The following PCDH15 variants were observed in gnomAD, a reference collection of about 807,000 sequenced individuals.
PCDH15 encodes the protein protocadherin related 15, also known as protocadherin-15.
In PCDH15, 129 loss-of-function variants were observed where a neutral mutation model predicts 178.5. The ratio of observed to expected loss-of-function variants is 0.72; its 90% CI spans 0.63 to 0.84. The LOEUF is 0.84. Ranked by LOEUF, PCDH15 falls within the 40% of genes least tolerant of loss-of-function variation. The probability of loss-of-function intolerance (pLI) is 0.00; values close to 1 mark genes in which losing one functional copy is unlikely to be tolerated. For missense variants in PCDH15, 2,230 were observed against 2,099.9 expected (o/e 1.06, Z -1.21); for synonymous variants, 800 against 732.0 (o/e 1.09, Z -1.50).
At chr10:55,211,485 G>T (rs1373901059) in intron 1 of PCDH15, among the ~76,000 whole-genome samples, 1 of 152,092 alleles carries the variant, frequency 6.6e-6, no homozygotes, top group Admixed American at 6.6e-5. Context: ...TAGGGAAAAA[G>T]AAATTCACAT....
At chr10:54,889,502 T>G (rs759605288) in intron 3 of PCDH15, among the ~76,000 whole-genome samples, 11 of 143,006 alleles carry the variant, frequency 7.7e-5, no homozygotes, top group Non-Finnish European at 1.1e-4. Flanking sequence ...ATTGTGAAGA[T>G]ATATATATAT....
intron 3 of PCDH15, among the ~76,000 whole-genome samples, chr10:54,894,419 T>C (rs1011096567): frequency 6.6e-6 from 1 of 152,090 alleles, no homozygotes; most frequent in Non-Finnish European, 1.5e-5. Flanking sequence ...CAGAAATTAT[T>C]TTATGAACCA....
At chr10:54,994,417 T>C (rs1197636251) in intron 2 of PCDH15, among the ~76,000 whole-genome samples, 2 of 152,144 alleles carry the variant, frequency 1.3e-5, no homozygotes, top group African/African-American at 2.4e-5. Context: ...CTTAAGAAGA[T>C]GCAGTTTTAT....
intron 2 of PCDH15, among the ~76,000 whole-genome samples, chr10:55,347,345 G>A (rs1009657079): frequency 2.6e-5 from 4 of 152,152 alleles, no homozygotes; most frequent in African/African-American, 9.6e-5. Context: ...TCAAGAGCTA[G>A]TGAACTGTTG....
chr10:54,821,939 A>G (rs1250018631), intron 3 of PCDH15, among the ~76,000 whole-genome samples: 1 of 152,086 alleles, frequency 6.6e-6, no homozygotes, highest in African/African-American at 2.4e-5. Flanking sequence ...AGTCCCTCCC[A>G]GGGGTTTAGA....
chr10:54,289,711 T>C (rs902830382), intron 8 of PCDH15, among the ~76,000 whole-genome samples: 1 of 152,176 alleles, frequency 6.6e-6, no homozygotes, highest in African/African-American at 2.4e-5. Context: ...AATGAACTGA[T>C]GGAGCTGAAA....
At chr10:53,898,917 T>C (rs1039039884) in intron 26 of PCDH15, among the ~76,000 whole-genome samples, 1 of 152,120 alleles carries the variant, frequency 6.6e-6, no homozygotes, top group Non-Finnish European at 1.5e-5. Context: ...AGCCAACTAA[T>C]GGTGTCTACT....
At chr10:54,416,642 G>C (rs569977054) in intron 3 of PCDH15, among the ~76,000 whole-genome samples, 1 of 152,282 alleles carries the variant, frequency 6.6e-6, no homozygotes, top group African/African-American at 2.4e-5. Flanking sequence ...TATATACCTA[G>C]TAATGATATT....
intron 12 of PCDH15, 141 bp downstream of exon 12, chr10:54,184,993 C>T: frequency 1.0e-6 from 1 of 975,752 alleles, no homozygotes; most frequent in Non-Finnish European, 1.5e-6. Flanking sequence ...CATTGATCTT[C>T]TCTCTGGTAT....
intron 21 of PCDH15, among the ~76,000 whole-genome samples, chr10:53,965,057 T>A (rs1564878323): frequency 2.1e-5 from 2 of 96,978 alleles, no homozygotes; most frequent in Admixed American, 3.1e-4. Flanking sequence ...TAATAGTACC[T>A]ACATTTTTTT....
intron 2 of PCDH15, among the ~76,000 whole-genome samples, chr10:54,614,333 A>C (rs1282684501): frequency 6.6e-6 from 1 of 151,976 alleles, no homozygotes; most frequent in South Asian, 2.1e-4. Flanking sequence ...CCGCTATTTT[A>C]TTTGTTCCAA....
chr10:54,306,625 A>C (rs1439705332), intron 8 of PCDH15, among the ~76,000 whole-genome samples: 1 of 151,978 alleles, frequency 6.6e-6, no homozygotes, highest in South Asian at 2.1e-4. Flanking sequence ...GCATACCTTC[A>C]CATCAATATC....
intron 20 of PCDH15, among the ~76,000 whole-genome samples, chr10:54,000,686 A>T (rs182487839): frequency 5.3e-4 from 80 of 152,162 alleles, no homozygotes; most frequent in African/African-American, 1.8e-3. Flanking sequence ...TGACTACAAG[A>T]TCTAGAAAAT....
intron 16 of PCDH15, among the ~76,000 whole-genome samples, chr10:54,085,653 T>G (rs2094503866): frequency 6.6e-6 from 1 of 152,174 alleles, no homozygotes; most frequent in Admixed American, 6.6e-5. Flanking sequence ...TGATTTGTAT[T>G]ACCAATGTTT....
chr10:55,182,947 T>A (rs1839691416), intron 1 of PCDH15, among the ~76,000 whole-genome samples: 1 of 151,942 alleles, frequency 6.6e-6, no homozygotes, highest in Non-Finnish European at 1.5e-5. Flanking sequence ...CCAATCCAGG[T>A]GGGCAGAAAC....
At chr10:54,042,875 G>GA (rs535898748) in intron 18 of PCDH15, among the ~76,000 whole-genome samples, 1 of 152,104 alleles carries the variant, frequency 6.6e-6, no homozygotes, top group Non-Finnish European at 1.5e-5. Flanking sequence ...TAATCTAGGG[G>GA]AAAAATGATT....
intron 15 of PCDH15, among the ~76,000 whole-genome samples, chr10:54,121,463 G>C (rs1352397598): frequency 6.6e-6 from 1 of 152,054 alleles, no homozygotes; most frequent in Non-Finnish European, 1.5e-5. Flanking sequence ...AAATGAAATT[G>C]AGACCCAAAA....
chr10:54,181,678 A>C (rs1054064084), intron 13 of PCDH15, among the ~76,000 whole-genome samples: 21 of 152,190 alleles, frequency 1.4e-4, no homozygotes, highest in African/African-American at 5.1e-4. Flanking sequence ...TTTGCCCTGA[A>C]ATCAAATGCT....
intron 5 of PCDH15, among the ~76,000 whole-genome samples, chr10:54,356,635 G>A (rs1166333142): frequency 6.6e-6 from 1 of 151,536 alleles, no homozygotes; most frequent in African/African-American, 2.4e-5. Flanking sequence ...TTAGTAAGAG[G>A]AAAGAAATAT....
Sources: allele counts gnomAD v4.1 joint callset (sites outside exome capture counted in the v4.1 genomes callset), GRCh38; gene constraint gnomAD v4.1.1; transcripts MANE v1.5; gene names NCBI Gene and HGNC (gene_info 2026-07-23, HGNC 2026-07-21).